The following GATAD2A variants were observed in gnomAD, a reference collection of about 807,000 sequenced individuals.
The protein encoded by GATAD2A is transcriptional repressor p66-alpha.
A neutral mutation model predicts 68.5 loss-of-function variants in GATAD2A; 12 were observed. That is an observed-to-expected ratio of 0.18 (90% CI 0.11 to 0.28). GATAD2A has a LOEUF of 0.28. GATAD2A is among the 10% of genes least tolerant of loss of function. The probability of loss-of-function intolerance (pLI) is 1.00; values close to 1 mark genes in which losing one functional copy is unlikely to be tolerated. For synonymous variants in GATAD2A, 410 were observed against 375.3 expected (o/e 1.09, Z -1.07); for missense variants, 755 against 868.5 (o/e 0.87, Z 1.64).
chr19:19,428,549 C>A (rs755041328), intron 1 of GATAD2A, among the ~76,000 whole-genome samples: 1 of 152,110 alleles, frequency 6.6e-6, no homozygotes, highest in African/African-American at 2.4e-5. Context: ...GTTTAACTGC[C>A]AGGTGAGCCA....
At chr19:19,444,055 A>G (rs1450886601) in intron 1 of GATAD2A, among the ~76,000 whole-genome samples, 2 of 152,114 alleles carry the variant, frequency 1.3e-5, no homozygotes, top group Non-Finnish European at 2.9e-5. Context: ...CAGGTGAGGA[A>G]GCTGAGGCCC....
rs1341321258 is a variant in GATAD2A at position 19,496,204 on chromosome 19, C to T, written c.909C>T (p.Leu303=). 2.5e-6 allele frequency: 4 copies of T among 1,613,514 alleles called. No homozygotes were observed. The highest frequency in any genetic ancestry group is 1.6e-4 in the Middle Eastern group (1 of 6,084). The change falls in exon 7 of 12, where the codon CTC becomes CTT. Residue 303 remains leucine (L), a synonymous_variant. Coordinates refer to ENST00000683918, the MANE Select transcript of GATAD2A (RefSeq NM_001384528.1). ...RVANVPNTSL[L]VNIPQPTPAS... is the part of the protein sequence containing the mutation. ...CCAATGTTCCCAACACCAGCCTGCT[C>T]GTCAACATCCCACAGGTGAGGGCTG...
At chr19:19,388,801 TAAAAAG>T (rs2048641083) in intron 1 of GATAD2A, among the ~76,000 whole-genome samples, 1 of 151,850 alleles carries the variant, frequency 6.6e-6, no homozygotes, top group African/African-American at 2.4e-5. Context: ...AAAATCAAAA[TAAAAAG>T]GAAAAGAAAA....
At chr19:19,422,451 G>A (rs1376091653) in intron 1 of GATAD2A, among the ~76,000 whole-genome samples, 1 of 152,134 alleles carries the variant, frequency 6.6e-6, no homozygotes, top group African/African-American at 2.4e-5. Flanking sequence ...CGTCCACCTG[G>A]CACCTGCTTT....
chr19:19,413,460 C>T (rs1016289966), intron 1 of GATAD2A, among the ~76,000 whole-genome samples: 3 of 152,106 alleles, frequency 2.0e-5, no homozygotes, highest in Non-Finnish European at 4.4e-5. Flanking sequence ...CTGGGTTTGC[C>T]GAGGGTTCAT....
rs950779233 is a variant in GATAD2A at position 19,506,328 on chromosome 19, C to G, written c.*854C>G. ...TTAAGGGAGAAGGAGAGGATCCGGTCGGCAGCAGCCCTGAGCAGAAAGCTG... is the reference window on the plus strand; with the variant it reads ...TTAAGGGAGAAGGAGAGGATCCGGTGGGCAGCAGCCCTGAGCAGAAAGCTG... On this transcript the variant is annotated 3_prime_UTR_variant, in exon 12 of 12. Transcript: ENST00000683918. 22 of 397,450 alleles carry G rather than the reference C, an allele frequency of 5.5e-5. No individual in the cohort carries two copies. Among genetic ancestry groups the G allele is most frequent in the African/African-American group, 3.7e-4 (18 of 48,624 alleles). 24.6% of individuals were successfully genotyped at this position (397,450 alleles called of 1,614,324 possible).
chr19:19,444,865 C>T (rs2055519958), intron 1 of GATAD2A, among the ~76,000 whole-genome samples: 1 of 94,612 alleles, frequency 1.1e-5, no homozygotes, highest in South Asian at 4.6e-4. Context: ...AGTGAGACCT[C>T]GTCCCTTAAA....
intron 1 of GATAD2A, among the ~76,000 whole-genome samples, chr19:19,422,887 AT>A (rs2052595724): frequency 6.6e-6 from 1 of 151,464 alleles, no homozygotes; most frequent in South Asian, 2.1e-4. Context: ...AATTTTTTGT[AT>A]TTTTAGTAGA....
At chr19:19,405,308 C>T (rs1192728089), upstream of GATAD2A, among the ~76,000 whole-genome samples, 1 of 152,230 alleles carries the variant, frequency 6.6e-6, no homozygotes, top group African/African-American at 2.4e-5. Flanking sequence ...GGGTGACATT[C>T]TAACCCGCGT....
At chr19:19,440,093 A>G in intron 1 of GATAD2A, 2 of 389,924 alleles carry the variant, frequency 5.1e-6, no homozygotes, top group South Asian at 1.8e-5. Context: ...CCCCTGAGTG[A>G]AGGGAGGAAG....
At chr19:19,446,105 T>C (rs2055684832) in intron 1 of GATAD2A, among the ~76,000 whole-genome samples, 1 of 152,230 alleles carries the variant, frequency 6.6e-6, no homozygotes, top group Non-Finnish European at 1.5e-5. Flanking sequence ...CGTTTTACTT[T>C]CCACCGTTTT....
chr19:19,440,963 T>C (rs200381808), intron 1 of GATAD2A, among the ~76,000 whole-genome samples: 1 of 81,692 alleles, frequency 1.2e-5, no homozygotes, highest in African/African-American at 7.1e-5. Flanking sequence ...CTTTTCTTCC[T>C]TCCCTTTCCT....
chr19:19,436,297 TTAAAG>T (rs2054334720), intron 1 of GATAD2A: 1 of 729,872 alleles, frequency 1.4e-6, no homozygotes, highest in Non-Finnish European at 2.3e-6. Flanking sequence ...CTTGGACACT[TTAAAG>T]TGAGTGCTGC....
rs549854858 is a variant in GATAD2A at position 19,492,566 on chromosome 19, C to T, written c.403-15C>T. ...AGGACGCTCCCTCTCAACCCTGTTC[C>T]TCTCGCCCCTGCAGAAAAGCAGTCC... On this transcript the variant is annotated splice_polypyrimidine_tract_variant and intron_variant, in intron 3 of 11. Coordinates refer to ENST00000683918, the MANE Select transcript of GATAD2A (RefSeq NM_001384528.1). 22 of 1,614,046 alleles carry T rather than the reference C, an allele frequency of 1.4e-5. No individual in the cohort carries two copies. Among genetic ancestry groups the T allele is most frequent in the Non-Finnish European group, 1.8e-5 (21 of 1,180,002 alleles).
rs199553174 is a variant in GATAD2A at position 19,446,494 on chromosome 19, T to TA, written c.-6-18845dup. 3.0e-3 allele frequency among the ~76,000 whole-genome samples: 453 copies of TA among 152,018 alleles called. 1 individual carries two copies. The highest frequency in any genetic ancestry group is 4.8e-3 in the Non-Finnish European group (327 of 67,988). ...CCCATTCTATGGGTGTTTTTTTTTT[T>TA]ATTCTATAATGCCCTTTGCACAAAA... On this transcript the variant is annotated intron_variant, in intron 1 of 11. Coordinates refer to ENST00000683918, the MANE Select transcript of GATAD2A (RefSeq NM_001384528.1).
At position 19,474,637 on chromosome 19, in the gene GATAD2A, C is replaced by T. The variant is rs532576208; in HGVS notation, c.269+9023C>T. ...CCAATTTGGGCCTGGTGTGAGCACCCGCTGCTGTGCAAGGTCCCTGCAGAT... is the reference window on the plus strand; with the variant it reads ...CCAATTTGGGCCTGGTGTGAGCACCTGCTGCTGTGCAAGGTCCCTGCAGAT... On this transcript the variant is annotated intron_variant, in intron 2 of 11. Transcript: ENST00000683918. Among the ~76,000 whole-genome samples, 27 of 152,296 alleles carry T rather than the reference C, an allele frequency of 1.8e-4. No individual in the cohort carries two copies. The South Asian group carries it at 3.5e-3, about 20-fold the overall frequency.
At chr19:19,390,085 T>C (rs2048735146) in intron 1 of GATAD2A, among the ~76,000 whole-genome samples, 1 of 152,090 alleles carries the variant, frequency 6.6e-6, no homozygotes, top group African/African-American at 2.4e-5. Flanking sequence ...ATAAAACCTA[T>C]AGGACCAGCA....
intron 2 of GATAD2A, among the ~76,000 whole-genome samples, chr19:19,487,106 C>T (rs1026230474): frequency 6.6e-6 from 1 of 152,218 alleles, no homozygotes; most frequent in African/African-American, 2.4e-5. Flanking sequence ...CCAGCCTCTC[C>T]CCCATCCCCA....
In GATAD2A at chr19:19,465,591, C is replaced by T. The variant is rs768689208; in HGVS notation, c.246C>T (p.Pro82=). Residue 82 remains proline (P), a synonymous_variant, in exon 2 of 12, where the codon CCC becomes CCT. Coordinates refer to ENST00000683918, the MANE Select transcript of GATAD2A (RefSeq NM_001384528.1). The stretch of plus-strand genomic sequence containing the variant: ...GCGAAGGGCTGGTGGGCGATGGGCC[C>T]GTGGACATGCGCACCTCACACAGGT... ...GRGEGLVGDG[P]VDMRTSHSDM... is the part of the protein sequence containing the mutation. 152 of 1,611,100 alleles carry T rather than the reference C, an allele frequency of 9.4e-5. No individual in the cohort carries two copies. The highest frequency in any genetic ancestry group is 1.7e-4 in the Middle Eastern group (1 of 6,022).
Sources: allele counts gnomAD v4.1 joint callset (sites outside exome capture counted in the v4.1 genomes callset), GRCh38; gene constraint gnomAD v4.1.1; transcripts MANE v1.5; gene names NCBI Gene and HGNC (gene_info 2026-07-23, HGNC 2026-07-21).